ACOT12: variants seen among roughly 807,000 people sequenced by gnomAD.
The protein encoded by ACOT12 is acetyl-coenzyme A thioesterase.
In ACOT12, 51 loss-of-function variants were observed where a neutral mutation model predicts 67.7. That is an observed-to-expected ratio of 0.75 (90% CI 0.60 to 0.95). The LOEUF (loss-of-function observed/expected upper bound fraction) is 0.95. Ranked by LOEUF, ACOT12 falls within the 40% of genes least tolerant of loss-of-function variation. The pLI, the probability that ACOT12 is intolerant of heterozygous loss-of-function variation, is 0.00. For missense variants in ACOT12, 734 were observed against 708.1 expected (o/e 1.04, Z -0.41); for synonymous variants, 251 against 244.6 (o/e 1.03, Z -0.24).
the ACOT12 span, among the ~76,000 whole-genome samples, chr5:81,310,666 A>G: frequency 6.6e-6 from 1 of 152,198 alleles, no homozygotes; most frequent in South Asian, 2.1e-4. Context: ...TAAAGTAGGC[A>G]GGTGGGCATT....
chr5:81,379,903 A>G (rs181356568), intron 2 of ACOT12, among the ~76,000 whole-genome samples: 98 of 152,270 alleles, frequency 6.4e-4, no homozygotes, highest in Middle Eastern at 6.8e-3. Context: ...TGGCCCAGAT[A>G]TATTAAAGAC....
chr5:81,356,063 A>T (rs1314985073), intron 5 of ACOT12, among the ~76,000 whole-genome samples: 1 of 151,462 alleles, frequency 6.6e-6, no homozygotes, highest in Admixed American at 6.6e-5. Context: ...CACCCCCCGC[A>T]TCCTTGTACA....
At chr5:81,347,680 G>T in intron 6 of ACOT12, 94 bp downstream of exon 6, 1 of 1,381,776 alleles carries the variant, frequency 7.2e-7, no homozygotes, top group South Asian at 1.5e-5. Context: ...TCCTTTCCTT[G>T]ACTTCTTGAC....
chr5:81,372,802 G>A (rs1280732234), intron 2 of ACOT12, among the ~76,000 whole-genome samples: 1 of 152,166 alleles, frequency 6.6e-6, no homozygotes, highest in Non-Finnish European at 1.5e-5. Context: ...ATTTTACTGA[G>A]TAGTCCTGGC....
intron 4 of ACOT12, among the ~76,000 whole-genome samples, chr5:81,361,503 A>T (rs1440738718): frequency 2.0e-5 from 3 of 152,130 alleles, no homozygotes; most frequent in Non-Finnish European, 4.4e-5. Context: ...ACCCAGCCTG[A>T]TTTAACAATT....
chr5:81,360,467 T>A (rs1233997921), intron 4 of ACOT12, among the ~76,000 whole-genome samples: 1 of 152,236 alleles, frequency 6.6e-6, no homozygotes, highest in African/African-American at 2.4e-5. Flanking sequence ...GGAATAAAGA[T>A]GTTCTAGAGA....
At chr5:81,352,510 A>T (rs1238053639) in intron 5 of ACOT12, among the ~76,000 whole-genome samples, 1 of 152,178 alleles carries the variant, frequency 6.6e-6, no homozygotes, top group Non-Finnish European at 1.5e-5. Context: ...AGAAAGACAA[A>T]CGACAAACAT....
At chr5:81,361,188 G>A (rs775828624) in intron 4 of ACOT12, among the ~76,000 whole-genome samples, 1 of 150,634 alleles carries the variant, frequency 6.6e-6, no homozygotes, top group African/African-American at 2.4e-5. Context: ...TTAGGAATGT[G>A]TAGATTGATG....
At chr5:81,359,781 G>C (rs1759843313) in intron 5 of ACOT12, 122 bp downstream of exon 5, 2 of 1,086,092 alleles carry the variant, frequency 1.8e-6, no homozygotes, top group African/African-American at 3.3e-5. Flanking sequence ...TTGTTGGAAA[G>C]GATACCTAGT....
At position 81,345,022 on chromosome 5, in the gene ACOT12, CG is replaced by C; in HGVS notation, c.792del (p.Val265TrpfsTer61). 1 of 1,614,140 alleles carries C rather than the reference CG, an allele frequency of 6.2e-7. No individual in the cohort carries two copies. The highest frequency in any genetic ancestry group is 2.2e-5 in the East Asian group (1 of 44,880). ...TFQTCVEVGV[R>X]VEAFDCQEWA... is the part of the protein sequence containing the mutation. The stretch of plus-strand genomic sequence containing the variant: ...CATTCCTGACAGTCAAAGGCCTCCA[CG>C]CGAACTCCAACTTCAACACTGTGAA... On this transcript the variant is annotated frameshift_variant, in exon 8 of 15. Transcript: ENST00000307624. LOFTEE classifies it high-confidence loss of function.
intron 1 of ACOT12, among the ~76,000 whole-genome samples, chr5:81,386,785 G>C (rs1411390716): frequency 6.6e-6 from 1 of 152,132 alleles, no homozygotes; most frequent in African/African-American, 2.4e-5. Flanking sequence ...TCCTAGGTAA[G>C]AAGACATGAG....
chr5:81,311,059 A>G, the ACOT12 span: 4 of 747,372 alleles, frequency 5.4e-6, no homozygotes, highest in East Asian at 9.8e-5. Context: ...GAATGAATTA[A>G]TAGGAATAGT....
At chr5:81,338,183 C>T (rs1278248039) in intron 11 of ACOT12, among the ~76,000 whole-genome samples, 1 of 152,180 alleles carries the variant, frequency 6.6e-6, no homozygotes, top group Non-Finnish European at 1.5e-5. Context: ...GAACAATTCT[C>T]CAAGAAAATG....
rs1561328028 is a variant in ACOT12 at position 81,344,955 on chromosome 5, A to G, written c.860T>C (p.Ile287Thr). The change falls in exon 8 of 15, where the codon ATT becomes ACT. Residue 287 changes from isoleucine (I) to threonine (T), a missense_variant. By Grantham distance (89) the Ile-to-Thr change is moderately conservative (BLOSUM62 -1). Coordinates refer to ENST00000307624, the MANE Select transcript of ACOT12 (RefSeq NM_130767.3). ...RGRHINSAFL[I>T]YNAADDKENL... Reference sequence around the variant, plus strand: ...TTCCTTATCATCAGCAGCATTGTAAATGAGAAAAGCACTGTTGATGTGACG... The same window carrying G: ...TTCCTTATCATCAGCAGCATTGTAAGTGAGAAAAGCACTGTTGATGTGACG... 1.2e-6 allele frequency: 2 copies of G among 1,614,154 alleles called. No individual in the cohort carries two copies. The highest frequency in any genetic ancestry group is 1.7e-6 in the Non-Finnish European group (2 of 1,180,012).
rs1298925020 is a variant in ACOT12 at position 81,330,369 on chromosome 5, A to G, written c.*25T>C. The G allele has an allele frequency of 1.9e-6, 3 of 1,599,378 alleles. No homozygotes were observed. The highest frequency in any genetic ancestry group is 1.3e-5 in the African/African-American group (1 of 74,328). ...CTTGGAATTAAAAGTGGGAAATTAA[A>G]TTACCAGTAATTGAAAGTTGACCTT... On this transcript the variant is annotated 3_prime_UTR_variant, in exon 15 of 15. Coordinates refer to ENST00000307624, the MANE Select transcript of ACOT12 (RefSeq NM_130767.3).
intron 1 of ACOT12, among the ~76,000 whole-genome samples, chr5:81,393,597 G>A (rs1760918967): frequency 1.3e-5 from 2 of 152,072 alleles, no homozygotes; most frequent in South Asian, 4.2e-4. Context: ...TGCGTCTGTG[G>A]TCCTAGTTAC....
intron 13 of ACOT12, among the ~76,000 whole-genome samples, chr5:81,331,964 C>T (rs143175801): frequency 6.6e-6 from 1 of 152,292 alleles, no homozygotes; most frequent in East Asian, 1.9e-4. Context: ...AATGATACAA[C>T]ACTGAACATC....
chr5:81,308,916 C>A, the ACOT12 span: 1 of 1,585,176 alleles, frequency 6.3e-7, no homozygotes, highest in South Asian at 1.1e-5. Context: ...TATGTATTGT[C>A]AACTGAATAG....
At position 81,332,484 on chromosome 5, in the gene ACOT12, T is replaced by A. The variant is rs557892282; in HGVS notation, c.1384A>T (p.Lys462Ter). 104 of 1,614,042 alleles carry A rather than the reference T, an allele frequency of 6.4e-5. 1 individual carries two copies. In the South Asian group the frequency reaches 1.1e-3, roughly 18 times the overall value. ...TGGACTGCATATACTCACCCATCTT[T>A]GAGGGGTTTTCTTCGTGATACGAGT... The part of the protein sequence containing the change: ...VVLVSRRKPL[K>*]DGNTYTVAVK... Residue 462 changes from lysine to a stop codon, truncating the protein, a stop_gained, in exon 13 of 15, where the codon AAA becomes TAA. Coordinates refer to ENST00000307624, the MANE Select transcript of ACOT12 (RefSeq NM_130767.3). LOFTEE classifies it high-confidence loss of function.
Sources: allele counts gnomAD v4.1 joint callset (sites outside exome capture counted in the v4.1 genomes callset), GRCh38; gene constraint gnomAD v4.1.1; transcripts MANE v1.5; gene names NCBI Gene and HGNC (gene_info 2026-07-23, HGNC 2026-07-21).